Variants in NALF1 observed in about 807,000 individuals in gnomAD.
NALF1 encodes the protein family with sequence similarity 155 member A.
In NALF1, 3 loss-of-function variants were observed where a neutral mutation model predicts 48.4. That is an observed-to-expected ratio of 0.06 (90% confidence interval 0.03 to 0.16). NALF1 has a LOEUF of 0.16. NALF1 is among the 10% of genes least tolerant of loss of function. The pLI, the probability that NALF1 is intolerant of heterozygous loss-of-function variation, is 1.00. For synonymous variants in NALF1, 262 were observed against 245.7 expected (o/e 1.07, Z -0.62); for missense variants, 526 against 571.5 (o/e 0.92, Z 0.81).
intron 1 of NALF1, among the ~76,000 whole-genome samples, chr13:107,312,690 G>C (rs1460949253): frequency 6.6e-6 from 1 of 152,146 alleles, no homozygotes; most frequent in Non-Finnish European, 1.5e-5. Flanking sequence ...GAAATTAAGA[G>C]ATATCTAAAA....
At chr13:107,757,294 G>A (rs761199501) in intron 1 of NALF1, among the ~76,000 whole-genome samples, 11 of 152,268 alleles carry the variant, frequency 7.2e-5, no homozygotes, top group East Asian at 1.9e-4. Context: ...GGGGTGGGAC[G>A]GAGAGGGGGA....
intron 1 of NALF1, among the ~76,000 whole-genome samples, chr13:107,374,760 G>A (rs374331397): frequency 2.6e-5 from 4 of 152,078 alleles, no homozygotes; most frequent in South Asian, 2.1e-4. Context: ...TCATGGAAGT[G>A]GGTTTGTTAT....
At chr13:107,327,167 G>C (rs892308118) in intron 1 of NALF1, among the ~76,000 whole-genome samples, 1 of 152,094 alleles carries the variant, frequency 6.6e-6, no homozygotes, top group Non-Finnish European at 1.5e-5. Context: ...CTGCAACTTT[G>C]CTATCAGGCA....
intron 1 of NALF1, among the ~76,000 whole-genome samples, chr13:107,565,232 G>A (rs1877770326): frequency 6.6e-6 from 1 of 150,634 alleles, no homozygotes; most frequent in Non-Finnish European, 1.5e-5. Context: ...TAAAATTAAG[G>A]GGCATGGCCA....
At chr13:107,666,433 GA>G (rs1420411450) in intron 1 of NALF1, among the ~76,000 whole-genome samples, 6 of 152,020 alleles carry the variant, frequency 3.9e-5, no homozygotes, top group Non-Finnish European at 8.8e-5. Context: ...AATATTTGGG[GA>G]TCTTTATTAC....
At chr13:107,424,518 C>T (rs1884246332) in intron 1 of NALF1, among the ~76,000 whole-genome samples, 1 of 152,060 alleles carries the variant, frequency 6.6e-6, no homozygotes, top group South Asian at 2.1e-4. Flanking sequence ...AACATAATAG[C>T]CAGCTGCATA....
intron 1 of NALF1, among the ~76,000 whole-genome samples, chr13:107,232,796 A>AT (rs1381937482): frequency 1.3e-5 from 2 of 152,106 alleles, no homozygotes; most frequent in East Asian, 1.9e-4. Flanking sequence ...AGAGCCTGCA[A>AT]TTTTTTTCGA....
At chr13:107,609,208 C>T (rs1879156290) in intron 1 of NALF1, among the ~76,000 whole-genome samples, 1 of 152,226 alleles carries the variant, frequency 6.6e-6, no homozygotes, top group South Asian at 2.1e-4. Flanking sequence ...GCCAGAGGGG[C>T]TGTCCTCTAG....
At chr13:107,674,227 G>C (rs1474952686) in intron 1 of NALF1, among the ~76,000 whole-genome samples, 1 of 151,316 alleles carries the variant, frequency 6.6e-6, no homozygotes, top group African/African-American at 2.4e-5. Flanking sequence ...CTGCATTGCA[G>C]TCCAGATATA....
intron 1 of NALF1, among the ~76,000 whole-genome samples, chr13:107,447,804 T>C (rs1884675116): frequency 6.6e-6 from 1 of 152,108 alleles, no homozygotes. Context: ...ATTACATTCT[T>C]CCAAGTAGCC....
At chr13:107,471,529 C>T (rs1885100721) in intron 1 of NALF1, among the ~76,000 whole-genome samples, 3 of 151,984 alleles carry the variant, frequency 2.0e-5, no homozygotes, top group Admixed American at 2.0e-4. Context: ...TTAGAAAGTG[C>T]CATGGCGTGG....
intron 1 of NALF1, among the ~76,000 whole-genome samples, chr13:107,560,174 T>G (rs1877605122): frequency 6.6e-6 from 1 of 152,042 alleles, no homozygotes; most frequent in South Asian, 2.1e-4. Context: ...ACAGAGATAA[T>G]CGAATTCACA....
chr13:107,727,962 A>G (rs6492071), intron 1 of NALF1, among the ~76,000 whole-genome samples: 120,313 of 152,190 alleles, frequency 0.79, 48,282 homozygotes, highest in Middle Eastern at 0.88. Flanking sequence ...CATTAGAGAA[A>G]TAAGAATCAA....
At position 107,865,874 on chromosome 13, in the gene NALF1, G is replaced by A; in HGVS notation, c.723C>T (p.Pro241=). Residue 241 remains proline, a synonymous_variant, in exon 1 of 3, where the codon CCC becomes CCT. Coordinates refer to ENST00000375915, the MANE Select transcript of NALF1 (RefSeq NM_001080396.3). ...LWELFSGLSS[P]NTLNCSLDVV... is the part of the protein sequence containing the mutation. ...CATCCAGACTGCAGTTCAAAGTGTTGGGACTGGACAACCCCGAGAACAACT... is the reference window on the plus strand; with the variant it reads ...CATCCAGACTGCAGTTCAAAGTGTTAGGACTGGACAACCCCGAGAACAACT... The A allele has an allele frequency of 6.2e-7, 1 of 1,614,042 alleles. No individual in the cohort carries two copies. The highest frequency in any genetic ancestry group is 1.1e-5 in the South Asian group (1 of 91,060).
chr13:107,213,320 A>G (rs1294159200), intron 1 of NALF1, among the ~76,000 whole-genome samples: 1 of 151,028 alleles, frequency 6.6e-6, no homozygotes, highest in Non-Finnish European at 1.5e-5. Context: ...TTAGTTATGA[A>G]GAAAAGTGAT....
intron 1 of NALF1, among the ~76,000 whole-genome samples, chr13:107,617,466 TAAAG>T (rs1171443283): frequency 6.6e-6 from 1 of 152,174 alleles, no homozygotes; most frequent in Non-Finnish European, 1.5e-5. Context: ...CTTAACAACT[TAAAG>T]AAGCTTATTG....
At chr13:107,617,233 G>A (rs1054252783) in intron 1 of NALF1, among the ~76,000 whole-genome samples, 1 of 152,140 alleles carries the variant, frequency 6.6e-6, no homozygotes, top group African/African-American at 2.4e-5. Context: ...TCCATCCTAG[G>A]AAGCAAGCTG....
At chr13:107,642,733 G>A (rs781336963) in intron 1 of NALF1, among the ~76,000 whole-genome samples, 1 of 152,190 alleles carries the variant, frequency 6.6e-6, no homozygotes, top group African/African-American at 2.4e-5. Flanking sequence ...AAAGGAAAGA[G>A]AGTTGAGCAT....
chr13:107,428,807 T>A (rs913232703), intron 1 of NALF1, among the ~76,000 whole-genome samples: 1 of 152,206 alleles, frequency 6.6e-6, no homozygotes, highest in Non-Finnish European at 1.5e-5. Context: ...ACTATGTATG[T>A]TATGCTTCAA....
Sources: gnomAD v4.1 joint callset for allele counts (sites outside exome capture counted in the v4.1 genomes callset) on GRCh38, gnomAD v4.1.1 for gene constraint, MANE v1.5 for transcripts, NCBI Gene and HGNC (gene_info 2026-07-23, HGNC 2026-07-21) for gene names.